The following PIEZO2 variants were observed in gnomAD, a reference collection of about 807,000 sequenced individuals.
PIEZO2 encodes the protein piezo type mechanosensitive ion channel component 2.
In PIEZO2, 172 loss-of-function variants were observed where a neutral mutation model predicts 337.3. The observed-to-expected ratio is 0.51, with a 90% CI of 0.45 to 0.58. The LOEUF is 0.58. Ranked by LOEUF, PIEZO2 falls within the 20% of genes least tolerant of loss-of-function variation. The pLI, the probability that PIEZO2 is intolerant of heterozygous loss-of-function variation, is 0.00. For missense variants in PIEZO2, 3,028 were observed against 3,391.3 expected, an observed-to-expected ratio of 0.89 and a Z score of 2.66; for synonymous variants, 1,251 against 1,228.5, an observed-to-expected ratio of 1.02 and a Z score of -0.38.
Position 10,878,769 on chromosome 18 carries a change from GCT to G in PIEZO2, c.330-7356_330-7355del, listed in dbSNP as rs2042333352. On this transcript the variant is annotated intron_variant, in intron 4 of 55. Coordinates refer to ENST00000674853, the MANE Select transcript of PIEZO2 (RefSeq NM_001378183.1). This position sits in a 1 kb window ranked among gnomAD's most constrained non-coding sequence, Gnocchi z 4.3. Reference sequence around the variant, plus strand: ...ACAGGGTAAGGTCAGACCATACAAAGCTTGGATGTTTTGAAAAAAAAAAAAAA... The same window carrying G: ...ACAGGGTAAGGTCAGACCATACAAAGTGGATGTTTTGAAAAAAAAAAAAAA... Among the ~76,000 whole-genome samples the G allele has an allele frequency of 6.8e-6, 1 of 147,586 alleles. No individual in the cohort carries two copies. Among genetic ancestry groups the G allele is most frequent in the Admixed American group, 6.6e-5 (1 of 15,090 alleles).
At chr18:11,090,188 C>A (rs890039334) in intron 1 of PIEZO2, among the ~76,000 whole-genome samples, 3 of 152,078 alleles carry the variant, frequency 2.0e-5, no homozygotes, top group African/African-American at 7.2e-5. Context: ...GGTGCCTTTT[C>A]CTGGAACAAA....
Position 11,031,995 on chromosome 18 carries a change from G to A in PIEZO2, c.160+34132C>T, listed in dbSNP as rs1035842469. ...CTCTGTCTCTCTCTCACACACATAC[G>A]CATACACACAGATATTTACTGCTGA... On this transcript the variant is annotated intron_variant, in intron 2 of 55. Coordinates refer to ENST00000674853, the MANE Select transcript of PIEZO2 (RefSeq NM_001378183.1). The surrounding 1 kb of genome is among the most constrained non-coding windows in gnomAD (Gnocchi z 4.7). Among the ~76,000 whole-genome samples the A allele has an allele frequency of 5.3e-5, 8 of 151,762 alleles. No homozygotes were observed. The highest frequency in any genetic ancestry group is 1.5e-5 in the Non-Finnish European group (1 of 67,974).
rs58757200 is a variant in PIEZO2 at position 10,784,684 on chromosome 18, CTT to C, written c.2492+98_2492+99del. 2,347 of 1,191,810 alleles carry C rather than the reference CTT, an allele frequency of 2.0e-3. 40 individuals are homozygous for C. In the African/African-American group the frequency reaches 0.033, roughly 17 times the overall value. The allele number at this position is 1,191,810 out of a possible 1,614,324, so 73.8% of individuals were successfully genotyped here. On this transcript the variant is annotated intron_variant, in intron 17 of 55. Coordinates refer to ENST00000674853, the MANE Select transcript of PIEZO2 (RefSeq NM_001378183.1). The surrounding 1 kb of genome is among the most constrained non-coding windows in gnomAD (Gnocchi z 4.5). ...ACTCATGGAAAATTCAAGGCTGAAACTTTTAGATTACTGGCTTCTCGCAAGGT... is the reference window on the plus strand; with the variant it reads ...ACTCATGGAAAATTCAAGGCTGAAACTTAGATTACTGGCTTCTCGCAAGGT...
intron 1 of PIEZO2, among the ~76,000 whole-genome samples, chr18:11,081,615 G>A (rs1415338798): frequency 6.6e-6 from 1 of 152,178 alleles, no homozygotes; most frequent in Non-Finnish European, 1.5e-5. Context: ...CGAGTTCCCA[G>A]TGCTAACCCA....
At chr18:10,965,453 TGTCA>T (rs1881098184) in intron 3 of PIEZO2, among the ~76,000 whole-genome samples, 1 of 152,204 alleles carries the variant, frequency 6.6e-6, no homozygotes, top group African/African-American at 2.4e-5. Context: ...GGAGTGAGGC[TGTCA>T]GTAAGGATTT....
intron 49 of PIEZO2, among the ~76,000 whole-genome samples, chr18:10,685,797 G>A (rs549677215): frequency 6.6e-6 from 1 of 152,200 alleles, no homozygotes; most frequent in Non-Finnish European, 1.5e-5. Context: ...GGCAGCTCTT[G>A]TACCTAAAGG....
intron 1 of PIEZO2, among the ~76,000 whole-genome samples, chr18:11,068,470 A>G (rs1315620466): frequency 6.6e-6 from 1 of 152,228 alleles, no homozygotes; most frequent in African/African-American, 2.4e-5. Context: ...AAGGGAGATT[A>G]GAAAATACCT....
At chr18:10,919,224 A>C (rs1381381410) in intron 3 of PIEZO2, among the ~76,000 whole-genome samples, 2 of 152,072 alleles carry the variant, frequency 1.3e-5, no homozygotes, top group Non-Finnish European at 2.9e-5. Flanking sequence ...ATTGTCTATT[A>C]GATGTTTGTC....
In PIEZO2 at chr18:10,671,551, T is replaced by C. The variant is rs1417375593; in HGVS notation, c.8574A>G (p.Lys2858=). Reference sequence around the variant, plus strand: ...TTCAATTTGTTTTTTCTCTAGTCCATTTGATCATTGTCTCTGGTGAGCGAT... The same window carrying C: ...TTCAATTTGTTTTTTCTCTAGTCCACTTGATCATTGTCTCTGGTGAGCGAT... ...FLYRSPETMI[K]WTREKTN The change falls in exon 56 of 56, where the codon AAA becomes AAG. Residue 2858 remains lysine, a synonymous_variant. Coordinates refer to ENST00000674853, the MANE Select transcript of PIEZO2 (RefSeq NM_001378183.1). The C allele has an allele frequency of 5.0e-6, 8 of 1,612,794 alleles. No homozygotes were observed. Among genetic ancestry groups the C allele is most frequent in the Non-Finnish European group, 6.8e-6 (8 of 1,179,486 alleles).
chr18:10,708,503 C>G (rs12458196), intron 39 of PIEZO2, 64 bp from the exon 40 acceptor site: 1 of 152,434 alleles, frequency 6.6e-6, no homozygotes, highest in Admixed American at 6.5e-5. Context: ...AGGTTACACA[C>G]GGATCAACTG....
Position 10,725,292 on chromosome 18 carries a change from G to A in PIEZO2, c.5029+6115C>T, listed in dbSNP as rs2036487903. 4 of 1,576,330 alleles carry A rather than the reference G, an allele frequency of 2.5e-6. No homozygotes were observed. In the South Asian group the frequency reaches 4.4e-5, roughly 17 times the overall value. On this transcript the variant is annotated intron_variant, in intron 36 of 55. Coordinates refer to ENST00000674853, the MANE Select transcript of PIEZO2 (RefSeq NM_001378183.1). ...CCAAGTGCCAGATATGGTCCATTGT[G>A]GGTAAATACAGCAGAAGGAGGGCTG...
At chr18:10,875,664 G>C (rs1009692509) in intron 4 of PIEZO2, among the ~76,000 whole-genome samples, 2 of 152,148 alleles carry the variant, frequency 1.3e-5, no homozygotes, top group African/African-American at 4.8e-5. Context: ...AAAGTAACAA[G>C]AACTCCAGCT....
At chr18:10,845,055 A>G (rs1481717038) in intron 7 of PIEZO2, among the ~76,000 whole-genome samples, 1 of 152,154 alleles carries the variant, frequency 6.6e-6, no homozygotes, top group African/African-American at 2.4e-5. Flanking sequence ...TATGAGGACA[A>G]TGTATTTAAC....
chr18:10,797,691 C>T (rs2039661627), intron 11 of PIEZO2, among the ~76,000 whole-genome samples, 169 bp from the exon 12 acceptor site: 1 of 152,136 alleles, frequency 6.6e-6, no homozygotes, highest in East Asian at 1.9e-4. Context: ...TCAGTAAGTT[C>T]TGCATGGTCA....
chr18:10,748,484 T>C lies in PIEZO2; in HGVS notation c.4411A>G (p.Ile1471Val), dbSNP rs1404990331. 4 of 1,536,920 alleles carry C rather than the reference T, an allele frequency of 2.6e-6. No individual in the cohort carries two copies. The highest frequency in any genetic ancestry group is 1.4e-5 in the African/African-American group (1 of 73,018). The change falls in exon 30 of 56, where the codon ATT becomes GTT. Residue 1471 changes from isoleucine (I) to valine (V), a missense_variant. Physicochemically the swap from Ile to Val is conservative, Grantham distance 29 (BLOSUM62 3). Coordinates refer to ENST00000674853, the MANE Select transcript of PIEZO2 (RefSeq NM_001378183.1). This position sits in a 1 kb window ranked among gnomAD's most constrained non-coding sequence, Gnocchi z 5.1. Reference sequence around the variant, plus strand: ...GGCCTGACCCACCTTGATGCCAGAATCTGGGAAGCTTTTATATCAGCCACA... The same window carrying C: ...GGCCTGACCCACCTTGATGCCAGAACCTGGGAAGCTTTTATATCAGCCACA... ...HVVADIKASQ[I>V]LASRGAELFQ...
chr18:11,013,979 T>C (rs1300835615), intron 2 of PIEZO2, among the ~76,000 whole-genome samples: 1 of 152,192 alleles, frequency 6.6e-6, no homozygotes, highest in East Asian at 1.9e-4. Flanking sequence ...TTAGAGACCT[T>C]GCAATGGGGC....
In PIEZO2 at chr18:11,047,468, C is replaced by G. The variant is rs959437479; in HGVS notation, c.160+18659G>C. Among the ~76,000 whole-genome samples the G allele has an allele frequency of 1.3e-5, 2 of 152,126 alleles. No individual in the cohort carries two copies. Among genetic ancestry groups the G allele is most frequent in the Admixed American group, 1.3e-4 (2 of 15,270 alleles). On this transcript the variant is annotated intron_variant, in intron 2 of 55. Transcript: ENST00000674853. This position sits in a 1 kb window ranked among gnomAD's most constrained non-coding sequence, Gnocchi z 7.2. The stretch of plus-strand genomic sequence containing the variant: ...GGCAAGGGGCAAGGGGACAGGGACT[C>G]CTCTCCTCCCTCCCCATCCCCCAAA...
Position 10,758,096 on chromosome 18 carries a change from G to T in PIEZO2, c.3796C>A (p.Gln1266Lys). 6.5e-7 allele frequency: 1 copy of T among 1,537,602 alleles called. No individual in the cohort carries two copies. Among genetic ancestry groups the T allele is most frequent in the Non-Finnish European group, 8.7e-7 (1 of 1,146,912 alleles). The stretch of plus-strand genomic sequence containing the variant: ...GCCTTGTTCTCATCCTCAAAAATCT[G>T]CCGTTGTAAGGAGGCACACAGAAGC... Reference protein sequence around the residue: ...MLLLCASLQRQIFEDENKAAV... With the variant: ...MLLLCASLQRKIFEDENKAAV... The change falls in exon 27 of 56, where the codon CAG (glutamine) becomes AAG (lysine). Residue 1266 changes from glutamine to lysine, a missense_variant. By Grantham distance (53) the Gln-to-Lys change is moderately conservative (BLOSUM62 1). Coordinates refer to ENST00000674853, the MANE Select transcript of PIEZO2 (RefSeq NM_001378183.1).
At position 10,727,137 on chromosome 18, in the gene PIEZO2, T is replaced by A; in HGVS notation, c.5029+4270A>T. On this transcript the variant is annotated intron_variant, in intron 36 of 55. Transcript: ENST00000674853. The surrounding 1 kb of genome is among the most constrained non-coding windows in gnomAD (Gnocchi z 6.3). ...CTAGCCTCCCTGGGGCCTGGGGATC[T>A]GCAGCAGCATGTCTGGCAAACTGAG... is the stretch of plus-strand genomic sequence containing the variant. 2.3e-6 allele frequency: 1 copy of A among 435,898 alleles called. No individual in the cohort carries two copies. The highest frequency in any genetic ancestry group is 5.6e-5 in the South Asian group (1 of 17,792). 27.0% of individuals were successfully genotyped at this position (435,898 alleles called of 1,614,324 possible).
Sources: gnomAD v4.1 joint callset for allele counts (sites outside exome capture counted in the v4.1 genomes callset) on GRCh38, gnomAD v4.1.1 for gene constraint, Gnocchi (gnomAD v3.1) non-coding constraint, MANE v1.5 for transcripts, NCBI Gene and HGNC (gene_info 2026-07-23, HGNC 2026-07-21) for gene names.